The following HSD17B7 variants were observed in gnomAD, a reference collection of about 807,000 sequenced individuals.
HSD17B7 encodes the protein hydroxysteroid 17-beta dehydrogenase 7, also known as 3-keto-steroid reductase/17-beta-hydroxysteroid dehydrogenase 7.
HSD17B7 carries 17 observed loss-of-function variants against 34.1 expected under a neutral mutation model. The observed-to-expected ratio is 0.50, with a 90% CI of 0.34 to 0.75. The LOEUF (loss-of-function observed/expected upper bound fraction) is 0.75. HSD17B7 is among the 30% of genes least tolerant of loss of function. The pLI is 0.01. For synonymous variants in HSD17B7, 122 were observed against 154.6 expected (o/e 0.79, Z 1.56); for missense variants, 296 against 406.6 (o/e 0.73, Z 2.34).
rs769239755 is a variant in HSD17B7, at chr1:162,792,674, C to G, written c.51C>G (p.Ala17=). 1.2e-6 allele frequency: 2 copies of G among 1,612,920 alleles called. No homozygotes were observed. Among genetic ancestry groups the G allele is most frequent in the Admixed American group, 1.7e-5 (1 of 59,836 alleles). The part of the protein sequence containing the change: ...ITGASSGIGL[A]LCKRLLAEDD... ...GTCCTCCCAGTGGCATTGGCCTGGC[C>G]CTCTGCAAGCGGCTGCTGGCGGAAG... Residue 17 remains alanine, a synonymous_variant, in exon 2 of 9, where the codon GCC becomes GCG. Transcript: ENST00000254521.
Position 162,810,044 on chromosome 1 carries a change from G to A in HSD17B7, c.904-2254G>A, listed in dbSNP as rs28786082. 1.6e-4 allele frequency among the ~76,000 whole-genome samples: 24 copies of A among 152,048 alleles called. No homozygotes were observed. In the East Asian group the frequency reaches 4.4e-3, roughly 28 times the overall value. ...CTAGTTCTTTTAATTGTGATGTTAG[G>A]GTGTCAATTTTAGATCTTTCCTGCT... On this transcript the variant is annotated intron_variant, in intron 8 of 8. Coordinates refer to ENST00000254521, the MANE Select transcript of HSD17B7 (RefSeq NM_016371.4).
chr1:162,796,716 G>A (rs1369913934), intron 3 of HSD17B7, 39 bp downstream of exon 3: 2 of 1,229,064 alleles, frequency 1.6e-6, no homozygotes, highest in South Asian at 1.2e-5. Context: ...TGGAAGGAAT[G>A]TGTTCATTTT....
In HSD17B7 at chr1:162,796,510, T is replaced by C. The variant is rs186878618; in HGVS notation, c.240-75T>C. 1,402 of 913,474 alleles carry C rather than the reference T, an allele frequency of 1.5e-3. 6 individuals carry two copies. The highest frequency in any genetic ancestry group is 2.1e-3 in the Non-Finnish European group (1,178 of 554,330). The allele number at this position is 913,474 out of a possible 1,614,324, so 56.6% of individuals were successfully genotyped here. On this transcript the variant is annotated intron_variant, in intron 2 of 8. Coordinates refer to ENST00000254521, the MANE Select transcript of HSD17B7 (RefSeq NM_016371.4). ...TAGGCCTCCTTGATTCTAGTCACTC[T>C]AGAGATAGAATACACAATCTTGTCC...
chr1:162,808,486 T>G (rs1255468121), intron 8 of HSD17B7, among the ~76,000 whole-genome samples: 11 of 152,220 alleles, frequency 7.2e-5, no homozygotes, highest in Non-Finnish European at 1.5e-4. Flanking sequence ...TGAAAGTAGT[T>G]TTTTCCAATT....
At position 162,796,313 on chromosome 1, in the gene HSD17B7, G is replaced by A. The variant is rs117293918; in HGVS notation, c.240-272G>A. ...ATCAGAGGTTTTACTTAAAGCCCACGATGACTCCACAGATTCTGTTTGAAG... is the reference window on the plus strand; with the variant it reads ...ATCAGAGGTTTTACTTAAAGCCCACAATGACTCCACAGATTCTGTTTGAAG... On this transcript the variant is annotated intron_variant, in intron 2 of 8. Coordinates refer to ENST00000254521, the MANE Select transcript of HSD17B7 (RefSeq NM_016371.4). Among the ~76,000 whole-genome samples, 515 of 152,190 alleles carry A rather than the reference G, an allele frequency of 3.4e-3. 6 individuals carry two copies. Among genetic ancestry groups the A allele is most frequent in the East Asian group, 0.032 (166 of 5,172 alleles).
chr1:162,804,388 G>A (rs1219032740), intron 7 of HSD17B7, 65 bp downstream of exon 7: 33 of 992,586 alleles, frequency 3.3e-5, no homozygotes, highest in Middle Eastern at 2.1e-4. Context: ...AGGTTCACTC[G>A]TAGTAGAAAT....
chr1:162,809,981 C>T (rs967218661), intron 8 of HSD17B7, among the ~76,000 whole-genome samples: 2 of 151,850 alleles, frequency 1.3e-5, no homozygotes, highest in African/African-American at 4.8e-5. Flanking sequence ...TTATTTCTTG[C>T]CTTCTGCTAG....
chr1:162,792,612 A>T, intron 1 of HSD17B7, 47 bp from the exon 2 acceptor site: 1 of 1,581,778 alleles, frequency 6.3e-7, no homozygotes, highest in Non-Finnish European at 8.6e-7. Context: ...CCTGTACCTG[A>T]TGCCATCCCA....
chr1:162,800,671 A>G (rs1478728878), intron 5 of HSD17B7, among the ~76,000 whole-genome samples: 1 of 152,130 alleles, frequency 6.6e-6, no homozygotes, highest in East Asian at 1.9e-4. Flanking sequence ...GGAAATCTCC[A>G]GTCTTCGCCT....
At chr1:162,810,256 G>A (rs997301985) in intron 8 of HSD17B7, among the ~76,000 whole-genome samples, 1 of 152,118 alleles carries the variant, frequency 6.6e-6, no homozygotes, top group African/African-American at 2.4e-5. Context: ...GTAGTTGAGT[G>A]GTTTTGAGTG....
intron 7 of HSD17B7, 26 bp from the exon 8 acceptor site, chr1:162,805,368 A>G: frequency 6.2e-7 from 1 of 1,610,750 alleles, no homozygotes; most frequent in Non-Finnish European, 8.5e-7. Flanking sequence ...GAAGAAACAA[A>G]TCATTGACAC....
intron 1 of HSD17B7, among the ~76,000 whole-genome samples, chr1:162,791,134 A>G (rs987770579): frequency 1.3e-5 from 2 of 151,962 alleles, no homozygotes; most frequent in Non-Finnish European, 2.9e-5. Context: ...CCCCTTTTCC[A>G]TCTTTGCCTA....
At chr1:162,796,864 G>A (rs1648630104) in intron 3 of HSD17B7, among the ~76,000 whole-genome samples, 187 bp downstream of exon 3, 1 of 152,122 alleles carries the variant, frequency 6.6e-6, no homozygotes, top group Non-Finnish European at 1.5e-5. Context: ...AGTGCTGAAA[G>A]TCCCGTTTTT....
chr1:162,807,598 A>G (rs1649028755), intron 8 of HSD17B7, among the ~76,000 whole-genome samples: 1 of 152,188 alleles, frequency 6.6e-6, no homozygotes, highest in Admixed American at 6.5e-5. Flanking sequence ...CAACAGTGTA[A>G]AAGTGTTCCT....
intron 8 of HSD17B7, among the ~76,000 whole-genome samples, chr1:162,811,856 A>G (rs1649181254): frequency 6.6e-6 from 1 of 152,246 alleles, no homozygotes; most frequent in African/African-American, 2.4e-5. Context: ...CATTGTTTCA[A>G]TGGAGGCTGA....
chr1:162,805,272 A>G (rs564208538), intron 7 of HSD17B7, 122 bp from the exon 8 acceptor site: 2 of 1,380,828 alleles, frequency 1.4e-6, no homozygotes, highest in Admixed American at 3.2e-5. Flanking sequence ...TTCACTGATG[A>G]TATTTGAGAG....
intron 2 of HSD17B7, among the ~76,000 whole-genome samples, chr1:162,793,285 G>A (rs1240004549): frequency 3.3e-5 from 5 of 152,104 alleles, no homozygotes; most frequent in African/African-American, 7.2e-5. Flanking sequence ...CACCCGCCTC[G>A]GCCTCCCAAA....
At position 162,799,812 on chromosome 1, in the gene HSD17B7, A is replaced by T; in HGVS notation, c.517A>T (p.Ser173Cys). The T allele has an allele frequency of 6.2e-7, 1 of 1,613,956 alleles. No individual in the cohort carries two copies. Among genetic ancestry groups the T allele is most frequent in the Non-Finnish European group, 8.5e-7 (1 of 1,179,946 alleles). Residue 173 changes from serine (S) to cysteine (C), a missense_variant, in exon 5 of 9, where the codon AGT becomes TGT. Coordinates refer to ENST00000254521, the MANE Select transcript of HSD17B7 (RefSeq NM_016371.4). ...TCAGCTCATCTGGACATCATCTCGC[A>T]GTGCAAGGAAATCTAATTTCAGCCT... ...PSQLIWTSSRSARKSNFSLED... is the reference protein window; with the variant it reads ...PSQLIWTSSRCARKSNFSLED...
intron 8 of HSD17B7, among the ~76,000 whole-genome samples, chr1:162,806,778 A>G (rs1451594016): frequency 3.9e-5 from 6 of 152,358 alleles, no homozygotes; most frequent in African/African-American, 1.2e-4. Context: ...GTTTAGTTCT[A>G]CAAACTGACA....
Sources: gnomAD v4.1 joint callset for allele counts (sites outside exome capture counted in the v4.1 genomes callset) on GRCh38, gnomAD v4.1.1 for gene constraint, MANE v1.5 for transcripts, NCBI Gene and HGNC (gene_info 2026-07-23, HGNC 2026-07-21) for gene names.